Variants in FAM240B observed in about 807,000 individuals in gnomAD.
The protein encoded by FAM240B is protein FAM240B.
At chr9:38,712,558 T>C (rs963898400) in intron 1 of FAM240B, among the ~76,000 whole-genome samples, 1 of 152,128 alleles carries the variant, frequency 6.6e-6, no homozygotes, top group South Asian at 2.1e-4. Flanking sequence ...ATCTGAGAGG[T>C]TGACTTTCCC....
intron 2 of FAM240B, among the ~76,000 whole-genome samples, chr9:38,698,827 G>A (rs557914469): frequency 2.6e-5 from 4 of 152,180 alleles, no homozygotes; most frequent in African/African-American, 9.7e-5. Context: ...CTATCCAAAT[G>A]TCTTTTAAAT....
chr9:38,719,839 G>A (rs1203556552), intron 1 of FAM240B, among the ~76,000 whole-genome samples, 183 bp downstream of exon 1: 1 of 152,154 alleles, frequency 6.6e-6, no homozygotes, highest in Non-Finnish European at 1.5e-5. Context: ...ATCAGAGATG[G>A]AAAAAAATCT....
intron 2 of FAM240B, among the ~76,000 whole-genome samples, chr9:38,698,629 C>T (rs1250453211): frequency 6.6e-6 from 1 of 152,126 alleles, no homozygotes; most frequent in Non-Finnish European, 1.5e-5. Flanking sequence ...CAGGTGCTTC[C>T]TCCAAAAAAT....
rs1821283225 is a variant in FAM240B at position 38,713,812 on chromosome 9, T to C, written c.-4+6210A>G. ...GGTGATGATAGGTGCATCTGGCTGATGCTATAGAGGAATTCTTTGAATTAT... is the reference window on the plus strand; with the variant it reads ...GGTGATGATAGGTGCATCTGGCTGACGCTATAGAGGAATTCTTTGAATTAT... On this transcript the variant is annotated intron_variant, in intron 1 of 2. Coordinates refer to ENST00000637493, the MANE Select transcript of FAM240B (RefSeq NM_001394922.1). Among the ~76,000 whole-genome samples the C allele has an allele frequency of 2.6e-5, 4 of 152,230 alleles. No homozygotes were observed. In the South Asian group the frequency reaches 8.3e-4, roughly 32 times the overall value.
chr9:38,716,490 T>A lies in FAM240B; in HGVS notation c.-4+3532A>T, dbSNP rs76611589. ...CCGCTCTTAAATAAAATAATTTTTT[T>A]AAAAAATGGTCCCCTTCACACAGTG... is the stretch of plus-strand genomic sequence containing the variant. On this transcript the variant is annotated intron_variant, in intron 1 of 2. Transcript: ENST00000637493. Among the ~76,000 whole-genome samples the A allele has an allele frequency of 9.2e-3, 1,403 of 152,210 alleles. 26 individuals are homozygous for A. Among genetic ancestry groups the A allele is most frequent in the African/African-American group, 0.031 (1,271 of 41,536 alleles).
intron 1 of FAM240B, among the ~76,000 whole-genome samples, chr9:38,719,495 C>A (rs1412794202): frequency 1.3e-5 from 2 of 152,112 alleles, no homozygotes; most frequent in Admixed American, 1.3e-4. Context: ...TTGAGTCTAT[C>A]TGATGAGGGG....
chr9:38,705,030 C>A (rs1821172925), intron 1 of FAM240B, among the ~76,000 whole-genome samples: 1 of 152,198 alleles, frequency 6.6e-6, no homozygotes, highest in Non-Finnish European at 1.5e-5. Context: ...ACATATGTAA[C>A]CCAAAATTGT....
chr9:38,694,425 A>C lies in FAM240B; in HGVS notation c.*351T>G, dbSNP rs1821042390. ...TGCCCTCGGTAAGCTTAGAGAAAAC[A>C]CTTCAAATGTCTCAAGACTTGAAAC... On this transcript the variant is annotated 3_prime_UTR_variant, in exon 3 of 3. Transcript: ENST00000637493. The C allele has an allele frequency of 5.5e-6, 1 of 182,906 alleles. No individual in the cohort carries two copies. Among genetic ancestry groups the C allele is most frequent in the Non-Finnish European group, 1.1e-5 (1 of 88,648 alleles). 11.3% of individuals were successfully genotyped at this position (182,906 alleles called of 1,614,324 possible).
intron 2 of FAM240B, among the ~76,000 whole-genome samples, chr9:38,699,236 T>A (rs1821096790): frequency 6.6e-6 from 1 of 152,216 alleles, no homozygotes; most frequent in Non-Finnish European, 1.5e-5. Context: ...GAAAGCAGGA[T>A]GATATTTGTG....
intron 2 of FAM240B, among the ~76,000 whole-genome samples, chr9:38,698,233 T>A (rs1335610833): frequency 1.3e-5 from 2 of 152,146 alleles, no homozygotes; most frequent in Admixed American, 6.6e-5. Context: ...GCAAAAAAAA[T>A]TGAGGAAATA....
chr9:38,704,679 A>G (rs1040450567), intron 1 of FAM240B, among the ~76,000 whole-genome samples: 3 of 152,200 alleles, frequency 2.0e-5, no homozygotes, highest in Non-Finnish European at 4.4e-5. Context: ...CCCAGTAAAC[A>G]GTGCGCTCTT....
At chr9:38,719,820 TGGAAAAACATCAGAGATGGAAA>T (rs1821351194) in intron 1 of FAM240B, among the ~76,000 whole-genome samples, 180 bp downstream of exon 1, 2 of 152,196 alleles carry the variant, frequency 1.3e-5, no homozygotes, top group Admixed American at 1.3e-4. Context: ...TAGGAAAAGA[TGGAAAAACATCAGAGATGGAAA>T]AAAATCTACT....
chr9:38,706,335 T>A (rs1821190024), intron 1 of FAM240B, among the ~76,000 whole-genome samples: 1 of 152,032 alleles, frequency 6.6e-6, no homozygotes, highest in Non-Finnish European at 1.5e-5. Context: ...CCTGCACTCT[T>A]CCCACCGCTC....
At chr9:38,698,358 C>A (rs2118998575) in intron 2 of FAM240B, among the ~76,000 whole-genome samples, 3 of 152,292 alleles carry the variant, frequency 2.0e-5, no homozygotes, top group Admixed American at 2.0e-4. Context: ...TGAATTGCAA[C>A]CACCAGTTGG....
chr9:38,699,563 C>A (rs935592040), intron 2 of FAM240B, among the ~76,000 whole-genome samples: 2 of 152,186 alleles, frequency 1.3e-5, no homozygotes, highest in African/African-American at 2.4e-5. Flanking sequence ...AGTCCCTGAG[C>A]AAATGCTGCC....
chr9:38,714,199 G>GA (rs1410492015), intron 1 of FAM240B, among the ~76,000 whole-genome samples: 3 of 152,074 alleles, frequency 2.0e-5, no homozygotes, highest in Non-Finnish European at 4.4e-5. Flanking sequence ...AAATGGAGGA[G>GA]AAAAAACAAC....
chr9:38,718,941 T>C (rs1257747312), intron 1 of FAM240B, among the ~76,000 whole-genome samples: 1 of 152,212 alleles, frequency 6.6e-6, no homozygotes, highest in Non-Finnish European at 1.5e-5. Context: ...TTTTGAATAG[T>C]TATTTTTTTT....
Position 38,694,626 on chromosome 9 carries a change from T to C in FAM240B, c.*150A>G, listed in dbSNP as rs1587587189. 2 of 394,932 alleles carry C rather than the reference T, an allele frequency of 5.1e-6. No homozygotes were observed. The highest frequency in any genetic ancestry group is 4.4e-5 in the Admixed American group (1 of 22,646). 24.5% of individuals were successfully genotyped at this position (394,932 alleles called of 1,614,324 possible). The stretch of plus-strand genomic sequence containing the variant: ...GCAGGATAATAACTCCCATTAGCAC[T>C]GGGGGAGGTTTCACATGTAAATCCC... On this transcript the variant is annotated 3_prime_UTR_variant, in exon 3 of 3. Transcript: ENST00000637493.
At chr9:38,709,631 G>C (rs2119009463) in intron 1 of FAM240B, among the ~76,000 whole-genome samples, 1 of 152,284 alleles carries the variant, frequency 6.6e-6, no homozygotes, top group East Asian at 1.9e-4. Context: ...CGGGAAGAAG[G>C]GAAAGCCGCT....
Sources: gnomAD v4.1 joint callset for allele counts (sites outside exome capture counted in the v4.1 genomes callset) on GRCh38, gnomAD v4.1.1 for gene constraint, MANE v1.5 for transcripts, NCBI Gene and HGNC (gene_info 2026-07-23, HGNC 2026-07-21) for gene names.